Variants in CCDC102B observed in about 807,000 individuals in gnomAD.
The protein encoded by CCDC102B is coiled-coil domain containing 102B, also known as coiled-coil domain-containing protein 102B.
A neutral mutation model predicts 57.4 loss-of-function variants in CCDC102B; 75 were observed. The observed-to-expected ratio is 1.31, with a 90% CI of 1.08 to 1.58. The LOEUF (loss-of-function observed/expected upper bound fraction) is 1.58, where lower values mean the gene tolerates loss of function less well. CCDC102B is among the 40% of genes most tolerant of loss of function. The pLI, the probability that CCDC102B is intolerant of heterozygous loss-of-function variation, is 0.00. For synonymous variants in CCDC102B, 206 were observed against 201.9 expected, an observed-to-expected ratio of 1.02 and a Z score of -0.17; for missense variants, 636 against 582.6, an observed-to-expected ratio of 1.09 and a Z score of -0.94.
intron 5 of CCDC102B, 59 bp from the exon 6 acceptor site, chr18:68,897,160 C>A (rs961925774): frequency 5.3e-6 from 7 of 1,325,762 alleles, no homozygotes; most frequent in African/African-American, 1.5e-5. Context: ...TTGTGGGTGG[C>A]ATTATCTTTT....
upstream of CCDC102B, among the ~76,000 whole-genome samples, chr18:68,794,574 TA>T (rs977121661): frequency 6.6e-6 from 1 of 150,636 alleles, no homozygotes; most frequent in African/African-American, 2.4e-5. Context: ...TGGAATCCAC[TA>T]AAAAAAAATA....
chr18:68,744,926 A>C (rs1485448686), intron 2 of CCDC102B, among the ~76,000 whole-genome samples: 1 of 152,158 alleles, frequency 6.6e-6, no homozygotes, highest in Non-Finnish European at 1.5e-5. Flanking sequence ...TCAAGACTGA[A>C]GTTGAACATC....
rs1446283730 is a variant in CCDC102B, at chr18:68,903,891, C to T, written c.1263+6463C>T. 2.0e-5 allele frequency among the ~76,000 whole-genome samples: 3 copies of T among 152,086 alleles called. No individual in the cohort carries two copies. In the East Asian group the frequency reaches 5.8e-4, roughly 29 times the overall value. ...AGTGGAAAGTGCATTAAAGTTGATT[C>T]CTAATGAATTTGCATTAATGACAGT... is the stretch of plus-strand genomic sequence containing the variant. On this transcript the variant is annotated intron_variant, in intron 6 of 7. Coordinates refer to ENST00000360242, the MANE Select transcript of CCDC102B (RefSeq NM_024781.3).
chr18:68,954,057 G>GT (rs550990629), intron 6 of CCDC102B, among the ~76,000 whole-genome samples: 29 of 149,220 alleles, frequency 1.9e-4, no homozygotes, highest in East Asian at 3.9e-4. Context: ...CTAGATAATA[G>GT]TTTTTTTTTT....
In CCDC102B at chr18:68,718,340, AGAAT is replaced by A. The variant is rs762802711; in HGVS notation, c.-67+1754_-67+1757del. Among the ~76,000 whole-genome samples, 35 of 152,358 alleles carry A rather than the reference AGAAT, an allele frequency of 2.3e-4. No individual in the cohort carries two copies. In the East Asian group the frequency reaches 6.4e-3, roughly 28 times the overall value. ...TATAGTAAAGTGCTATATAGCAACG[AGAAT>A]GAATGAACTTTTGTATGGAGAACTA... On this transcript the variant is annotated intron_variant, in intron 2 of 3. Transcript: ENST00000578970.
chr18:69,050,052 C>T (rs57451420), intron 7 of CCDC102B, among the ~76,000 whole-genome samples: 1 of 81,236 alleles, frequency 1.2e-5, no homozygotes, highest in Admixed American at 1.5e-4. Flanking sequence ...CAAGTGATCC[C>T]CCTGCCTTGG....
intron 6 of CCDC102B, among the ~76,000 whole-genome samples, chr18:68,905,620 C>T (rs2040601991): frequency 6.6e-6 from 1 of 151,872 alleles, no homozygotes; most frequent in African/African-American, 2.4e-5. Flanking sequence ...TTCCAAAGCA[C>T]TTTCATCACC....
chr18:69,027,752 A>G (rs1355600571), intron 7 of CCDC102B, among the ~76,000 whole-genome samples: 1 of 152,112 alleles, frequency 6.6e-6, no homozygotes, highest in Non-Finnish European at 1.5e-5. Context: ...TTTTCCTTGA[A>G]CAGTGCATAC....
chr18:68,923,076 A>G (rs1479366701), intron 6 of CCDC102B, among the ~76,000 whole-genome samples: 2 of 152,036 alleles, frequency 1.3e-5, no homozygotes, highest in African/African-American at 4.8e-5. Flanking sequence ...TTCCTCCTTT[A>G]TATTATACTG....
chr18:68,947,464 A>C (rs1039027663), intron 6 of CCDC102B, among the ~76,000 whole-genome samples: 3 of 152,076 alleles, frequency 2.0e-5, no homozygotes, highest in African/African-American at 7.2e-5. Flanking sequence ...AAAATGAGGA[A>C]GTAGAGGGAG....
intron 6 of CCDC102B, among the ~76,000 whole-genome samples, chr18:68,963,629 C>G (rs1272979407): frequency 1.3e-5 from 2 of 151,778 alleles, no homozygotes; most frequent in African/African-American, 2.4e-5. Context: ...ATCTGGCCTC[C>G]TACTTAGAGA....
At chr18:68,917,004 A>C (rs979822455) in intron 6 of CCDC102B, among the ~76,000 whole-genome samples, 2 of 152,142 alleles carry the variant, frequency 1.3e-5, no homozygotes, top group African/African-American at 4.8e-5. Flanking sequence ...AGTAGGAAGC[A>C]AGGGGATGAC....
At chr18:68,783,942 T>A (rs1191514604) in intron 2 of CCDC102B, among the ~76,000 whole-genome samples, 1 of 152,240 alleles carries the variant, frequency 6.6e-6, no homozygotes. Flanking sequence ...CTAAACTCCA[T>A]GTTTTACTCT....
chr18:68,769,153 T>C (rs549744290), intron 2 of CCDC102B, among the ~76,000 whole-genome samples: 26 of 151,318 alleles, frequency 1.7e-4, no homozygotes, highest in Non-Finnish European at 3.1e-4. Context: ...CTCAAGAGGC[T>C]GAGGCAGGAG....
intron 4 of CCDC102B, among the ~76,000 whole-genome samples, chr18:68,868,197 T>C (rs893588356): frequency 1.2e-4 from 19 of 152,174 alleles, no homozygotes; most frequent in African/African-American, 4.6e-4. Context: ...AATTTTATTT[T>C]TGAGTTTAAA....
chr18:69,041,535 C>A (rs777861608), intron 7 of CCDC102B, among the ~76,000 whole-genome samples: 1 of 151,994 alleles, frequency 6.6e-6, no homozygotes, highest in Non-Finnish European at 1.5e-5. Flanking sequence ...AATGATTGGC[C>A]GGTTTAATGC....
chr18:68,846,862 G>C (rs2037889788), intron 4 of CCDC102B, among the ~76,000 whole-genome samples: 1 of 151,662 alleles, frequency 6.6e-6, no homozygotes, highest in African/African-American at 2.4e-5. Flanking sequence ...GAAGCAGCCT[G>C]ATAATATCAA....
At chr18:68,892,881 A>G (rs1488613049) in intron 5 of CCDC102B, among the ~76,000 whole-genome samples, 1 of 152,246 alleles carries the variant, frequency 6.6e-6, no homozygotes. Context: ...TGTGTCTGGC[A>G]TTAGACAATG....
intron 2 of CCDC102B, among the ~76,000 whole-genome samples, chr18:68,735,438 A>T (rs1568223949): frequency 6.6e-6 from 1 of 152,222 alleles, no homozygotes; most frequent in African/African-American, 2.4e-5. Flanking sequence ...ATTTAAAAAT[A>T]TCCCACTCCT....
Sources: gnomAD v4.1 joint callset for allele counts (sites outside exome capture counted in the v4.1 genomes callset) on GRCh38, gnomAD v4.1.1 for gene constraint, MANE v1.5 for transcripts, NCBI Gene and HGNC (gene_info 2026-07-23, HGNC 2026-07-21) for gene names.